The following ACSM3 variants were observed in gnomAD, a reference collection of about 807,000 sequenced individuals.
ACSM3 encodes acyl-coenzyme A synthetase ACSM3, mitochondrial.
ACSM3 carries 61 observed loss-of-function variants against 74.1 expected under a neutral mutation model. The observed-to-expected ratio is 0.82, with a 90% confidence interval of 0.67 to 1.02. ACSM3 has a LOEUF of 1.02. Among genes scored for constraint, ACSM3 ranks in the 50% least tolerant of loss-of-function variants. The pLI is 0.00. For synonymous variants in ACSM3, 213 were observed against 241.5 expected (o/e 0.88, Z 1.09); for missense variants, 660 against 697.0 (o/e 0.95, Z 0.60).
chr16:20,712,960 T>C lies in ACSM3; in HGVS notation c.-189-36950T>C, dbSNP rs546336624. 2.8e-4 allele frequency among the ~76,000 whole-genome samples: 43 copies of C among 151,702 alleles called. No individual in the cohort carries two copies. In the South Asian group the frequency reaches 6.3e-3, roughly 22 times the overall value. The stretch of plus-strand genomic sequence containing the variant: ...GAGAAGTTTATAGAAAGAGATGACA[T>C]GTAAACCCTGCTGAATAACAGTTTT... On this transcript the variant is annotated intron_variant, in intron 1 of 3. Coordinates refer to the ACSM3 transcript ENST00000561584.
intron 1 of ACSM3, among the ~76,000 whole-genome samples, chr16:20,687,137 G>A (rs2079568555): frequency 6.6e-6 from 1 of 152,092 alleles, no homozygotes; most frequent in South Asian, 2.1e-4. Flanking sequence ...GGGTTGCGGA[G>A]GGACTGGCTT....
intron 7 of ACSM3, among the ~76,000 whole-genome samples, chr16:20,782,352 G>T (rs970849395): frequency 6.6e-6 from 1 of 152,078 alleles, no homozygotes; most frequent in Non-Finnish European, 1.5e-5. Flanking sequence ...CACCCAAGCA[G>T]TATACACTGT....
intron 2 of ACSM3, among the ~76,000 whole-genome samples, chr16:20,752,915 A>G (rs1209259329): frequency 6.6e-6 from 1 of 152,216 alleles, no homozygotes. Flanking sequence ...TCTAGATTTA[A>G]CTATTAGTTT....
chr16:20,718,400 TG>T, intron 1 of ACSM3: 2 of 914,212 alleles, frequency 2.2e-6, no homozygotes, highest in Non-Finnish European at 3.0e-6. Context: ...CAAGAACCAG[TG>T]GCCATTTATT....
chr16:20,707,664 G>A (rs1361397410), intron 1 of ACSM3, among the ~76,000 whole-genome samples: 1 of 152,158 alleles, frequency 6.6e-6, no homozygotes, highest in African/African-American at 2.4e-5. Flanking sequence ...GGCTCCAAAA[G>A]CATTTGGCTA....
At chr16:20,755,333 C>G (rs1596500988) in intron 2 of ACSM3, among the ~76,000 whole-genome samples, 1 of 152,190 alleles carries the variant, frequency 6.6e-6, no homozygotes, top group East Asian at 1.9e-4. Context: ...GATGCTAACA[C>G]TGAGATGACA....
chr16:20,697,646 T>C (rs2079697182), intron 1 of ACSM3: 1 of 151,824 alleles, frequency 6.6e-6, no homozygotes, highest in African/African-American at 2.4e-5. Flanking sequence ...CTGGTACTGT[T>C]TAGGACGTAG....
At chr16:20,744,700 A>C (rs1041195551) in intron 1 of ACSM3, among the ~76,000 whole-genome samples, 1 of 152,150 alleles carries the variant, frequency 6.6e-6, no homozygotes. Context: ...CGTTTAAATA[A>C]GGCAAATACT....
intron 1 of ACSM3, among the ~76,000 whole-genome samples, chr16:20,740,279 C>T (rs976021421): frequency 1.3e-5 from 2 of 152,176 alleles, no homozygotes; most frequent in African/African-American, 4.8e-5. Context: ...GCCTGCAGTC[C>T]CTGCTACTCG....
Position 20,786,103 on chromosome 16 carries a change from G to T in ACSM3, c.1169G>T (p.Gly390Val). Residue 390 changes from glycine to valine, a missense_variant, in exon 9 of 14, where the codon GGA becomes GTA. Physicochemically the swap from Gly to Val is moderately radical, Grantham distance 109 (BLOSUM62 -3). Transcript: ENST00000289416. ...GTGCTAATCTGTGGAAATTTTAAGG[G>T]AATGAAAATTAAACCTGGCTCAATG... ...ETVLICGNFK[G>V]MKIKPGSMGK... 1 of 1,598,368 alleles carries T rather than the reference G, an allele frequency of 6.3e-7. No individual in the cohort carries two copies. The highest frequency in any genetic ancestry group is 1.4e-5 in the African/African-American group (1 of 73,996).
chr16:20,688,750 C>G (rs543044727), intron 1 of ACSM3, among the ~76,000 whole-genome samples: 105 of 151,936 alleles, frequency 6.9e-4, no homozygotes, highest in African/African-American at 2.3e-3. Context: ...CTAGACTTGC[C>G]CCTACAAGAA....
At chr16:20,682,910 C>T (rs990262997) in intron 1 of ACSM3, among the ~76,000 whole-genome samples, 1 of 152,070 alleles carries the variant, frequency 6.6e-6, no homozygotes, top group African/African-American at 2.4e-5. Flanking sequence ...CTCTTTCCTT[C>T]ATTCTGTATT....
chr16:20,718,125 A>G (rs1163866202), intron 1 of ACSM3, among the ~76,000 whole-genome samples: 2 of 152,058 alleles, frequency 1.3e-5, no homozygotes, highest in Non-Finnish European at 2.9e-5. Context: ...AGAAGAAGAA[A>G]AGAAAAGGAG....
chr16:20,718,366 C>A, intron 1 of ACSM3: 1 of 958,824 alleles, frequency 1.0e-6, no homozygotes, highest in Non-Finnish European at 1.4e-6. Flanking sequence ...CTCTGAAGAG[C>A]ACAGCTGTGT....
intron 1 of ACSM3, among the ~76,000 whole-genome samples, chr16:20,747,015 T>C (rs1252917325): frequency 2.0e-5 from 3 of 152,212 alleles, no homozygotes; most frequent in Non-Finnish European, 4.4e-5. Context: ...TCCTTCCCAC[T>C]CCTTTGAGAT....
chr16:20,729,975 A>G (rs2079820824), intron 1 of ACSM3, among the ~76,000 whole-genome samples: 1 of 152,088 alleles, frequency 6.6e-6, no homozygotes, highest in South Asian at 2.1e-4. Flanking sequence ...CAGGTTAACA[A>G]TCCTCCACCC....
At chr16:20,775,562 G>A (rs984842814) in intron 2 of ACSM3, among the ~76,000 whole-genome samples, 2 of 151,996 alleles carry the variant, frequency 1.3e-5, no homozygotes, top group Non-Finnish European at 2.9e-5. Context: ...AGAGAGTTTT[G>A]TCACTTCCTT....
At chr16:20,716,616 C>G (rs1220026217) in intron 1 of ACSM3, among the ~76,000 whole-genome samples, 4 of 152,192 alleles carry the variant, frequency 2.6e-5, no homozygotes, top group Non-Finnish European at 5.9e-5. Flanking sequence ...ATTACAGCTA[C>G]ACTTGATGCA....
intron 11 of ACSM3, 27 bp downstream of exon 11, chr16:20,792,156 T>C (rs1270127314): frequency 5.0e-6 from 8 of 1,614,016 alleles, no homozygotes; most frequent in East Asian, 4.5e-5. Context: ...TATGTGCATA[T>C]GTCTGTGTTA....
Sources: gnomAD v4.1 joint callset for allele counts (sites outside exome capture counted in the v4.1 genomes callset) on GRCh38, gnomAD v4.1.1 for gene constraint, MANE v1.5 for transcripts, NCBI Gene and HGNC (gene_info 2026-07-23, HGNC 2026-07-21) for gene names.